Variants in TRPM1 observed in about 807,000 individuals in gnomAD.
TRPM1 encodes the protein transient receptor potential cation channel subfamily M member 1, also known as TRPM1-203 APA Isoform, Intron 10.
TRPM1 carries 113 observed loss-of-function variants against 149.4 expected under a neutral mutation model. The observed-to-expected ratio is 0.76, with a 90% CI of 0.65 to 0.88. The LOEUF is 0.88. Ranked by LOEUF, TRPM1 falls within the 40% of genes least tolerant of loss-of-function variation. The pLI is 0.00. For missense variants in TRPM1, 1,976 were observed against 2,038.7 expected (o/e 0.97, Z 0.59); for synonymous variants, 741 against 759.5 (o/e 0.98, Z 0.40).
chr15:31,050,322 G>A (rs1357005608), intron 12 of TRPM1, 87 bp downstream of exon 12: 1 of 1,594,800 alleles, frequency 6.3e-7, no homozygotes, highest in Non-Finnish European at 8.6e-7. Context: ...TCAGGGCCCT[G>A]GGTGGGACTG....
chr15:31,057,218 A>G (rs963019208), intron 11 of TRPM1, among the ~76,000 whole-genome samples: 7 of 152,226 alleles, frequency 4.6e-5, no homozygotes, highest in Non-Finnish European at 8.8e-5. Flanking sequence ...CATAAAAAAG[A>G]ACAAGATTAT....
intron 1 of TRPM1, among the ~76,000 whole-genome samples, chr15:31,113,674 C>A (rs2035749152): frequency 6.6e-6 from 1 of 151,858 alleles, no homozygotes; most frequent in Non-Finnish European, 1.5e-5. Flanking sequence ...CCATCACCCA[C>A]GTTTTAAGAC....
In TRPM1 at chr15:31,026,130, T is replaced by C. The variant is rs747215782; in HGVS notation, c.3629+9A>G. 4.3e-6 allele frequency: 7 copies of C among 1,610,518 alleles called. No homozygotes were observed. The African/African-American group carries it at 9.3e-5, about 21-fold the overall frequency. ...GCTCACGGGCCCGCGGTGGGGACGC[T>C]ACACGTACCTTTCAGAAGTGACCCG... On this transcript the variant is annotated intron_variant, in intron 27 of 27. Coordinates refer to ENST00000256552, the MANE Select transcript of TRPM1 (RefSeq NM_001252024.2).
intron 27 of TRPM1, among the ~76,000 whole-genome samples, chr15:31,003,439 G>C (rs988536520): frequency 1.3e-5 from 2 of 152,116 alleles, no homozygotes; most frequent in Non-Finnish European, 1.5e-5. Flanking sequence ...TTAAGTCATG[G>C]AGCGTATAAG....
At chr15:31,007,569 A>G (rs936744539) in intron 27 of TRPM1, among the ~76,000 whole-genome samples, 2 of 152,100 alleles carry the variant, frequency 1.3e-5, no homozygotes, top group African/African-American at 4.8e-5. Flanking sequence ...CGGGAGACTG[A>G]GGTAGGAGGA....
In TRPM1 at chr15:31,002,127, C is replaced by T; in HGVS notation, c.4573G>A (p.Ala1525Thr). 1 of 1,614,228 alleles carries T rather than the reference C, an allele frequency of 6.2e-7. No individual in the cohort carries two copies. Among genetic ancestry groups the T allele is most frequent in the East Asian group, 2.2e-5 (1 of 44,888 alleles). Residue 1525 changes from alanine (A) to threonine (T), a missense_variant, in exon 28 of 28, where the codon GCA becomes ACA. Coordinates refer to ENST00000256552, the MANE Select transcript of TRPM1 (RefSeq NM_001252024.2). Reference protein sequence around the residue: ...AVQAEHKEQFADMQDEHHVAE... With the variant: ...AVQAEHKEQFTDMQDEHHVAE... ...ACATGGTGTTCATCTTGCATATCTG[C>T]AAACTGCTCTTTATGCTCAGCTTGC...
chr15:31,050,564 G>A lies in TRPM1; in HGVS notation c.1282C>T (p.Pro428Ser). Residue 428 changes from proline to serine, a missense_variant, in exon 12 of 28, where the codon CCC becomes TCC. By Grantham distance (74) the Pro-to-Ser change is moderately conservative (BLOSUM62 -1). Around this residue, in one of 3 missense-constraint regions of TRPM1, gnomAD observed 1,332 missense variants for 1,347.1 expected, o/e 0.99. Transcript: ENST00000256552. ...PHWPPLGSLA[P>S]PTDSKATEKE... ...TCCGTGGCTTTGCTGTCCGTCGGGGGTGCCAGGCTTCCCAGGGGCTGCAGT... is the reference window on the plus strand; with the variant it reads ...TCCGTGGCTTTGCTGTCCGTCGGGGATGCCAGGCTTCCCAGGGGCTGCAGT... 6.2e-7 allele frequency: 1 copy of A among 1,614,026 alleles called. No individual in the cohort carries two copies. Among genetic ancestry groups the A allele is most frequent in the Middle Eastern group, 1.6e-4 (1 of 6,062 alleles).
In TRPM1 at chr15:31,070,191, G is replaced by C; in HGVS notation, c.119C>G (p.Pro40Arg). The change falls in exon 4 of 28, where the codon CCC becomes CGC. Residue 40 changes from proline to arginine, a missense_variant. Pro to Arg is a moderately radical substitution (Grantham distance 103). Transcript: ENST00000256552. Reference sequence around the variant, plus strand: ...GCTGGGTGTTGCACTTGGCAGAGGGGGGATATGCTGGTTGGTGAACTGGCC... The same window carrying C: ...GCTGGGTGTTGCACTTGGCAGAGGGCGGATATGCTGGTTGGTGAACTGGCC... Reference protein sequence around the residue: ...CCGQFTNQHIPPLPSATPSKN... With the variant: ...CCGQFTNQHIRPLPSATPSKN... 1.9e-6 allele frequency: 3 copies of C among 1,613,972 alleles called. No homozygotes were observed. In the South Asian group the frequency reaches 3.3e-5, roughly 18 times the overall value.
chr15:31,149,503 T>G (rs2036264682), intron 1 of TRPM1, among the ~76,000 whole-genome samples: 1 of 150,668 alleles, frequency 6.6e-6, no homozygotes, highest in South Asian at 2.1e-4. Flanking sequence ...CTGCTATAGC[T>G]CGTCATGTGC....
Position 31,067,099 on chromosome 15 carries a change from G to A in TRPM1, c.582C>T (p.Gly194=), listed in dbSNP as rs1252330419. ...CCAGGTCTTCCTTATTCTCCACGATGCCCCATGGAGCAATTCCTATAGCAC... is the reference window on the plus strand; with the variant it reads ...CCAGGTCTTCCTTATTCTCCACGATACCCCATGGAGCAATTCCTATAGCAC... The part of the protein sequence containing the change: ...RVCAIGIAPW[G]IVENKEDLVG... The change falls in exon 6 of 28, where the codon GGC becomes GGT. Residue 194 remains glycine (G), a synonymous_variant. Transcript: ENST00000256552. The A allele has an allele frequency of 7.4e-6, 12 of 1,614,112 alleles. No individual in the cohort carries two copies. Among genetic ancestry groups the A allele is most frequent in the Non-Finnish European group, 1.0e-5 (12 of 1,180,018 alleles).
At chr15:31,035,801 A>G in intron 20 of TRPM1, 127 bp from the exon 21 acceptor site, 1 of 1,386,548 alleles carries the variant, frequency 7.2e-7, no homozygotes, top group South Asian at 1.2e-5. Context: ...TGACTCATTG[A>G]GAGGAAACCT....
chr15:31,011,099 C>G (rs377762248), intron 27 of TRPM1, among the ~76,000 whole-genome samples: 2 of 152,188 alleles, frequency 1.3e-5, no homozygotes, highest in East Asian at 3.8e-4. Context: ...GCCACTCCAA[C>G]TATTTTTTTA....
intron 27 of TRPM1, among the ~76,000 whole-genome samples, chr15:31,021,112 TC>T (rs999031889): frequency 6.6e-6 from 1 of 152,186 alleles, no homozygotes; most frequent in Non-Finnish European, 1.5e-5. Flanking sequence ...CTTCCTATTA[TC>T]CAAGCAACCT....
At chr15:31,124,048 C>T (rs574765749) in intron 1 of TRPM1, among the ~76,000 whole-genome samples, 1 of 152,132 alleles carries the variant, frequency 6.6e-6, no homozygotes, top group African/African-American at 2.4e-5. Context: ...CTTTGGGAGG[C>T]CAAAGTGGGC....
At chr15:31,160,459 G>A (rs1394802524) in intron 1 of TRPM1, among the ~76,000 whole-genome samples, 2 of 152,124 alleles carry the variant, frequency 1.3e-5, no homozygotes, top group East Asian at 1.9e-4. Flanking sequence ...TCCCCTAAGG[G>A]CGAGGCCCAA....
chr15:31,108,090 TCA>T (rs2035633924), intron 1 of TRPM1, among the ~76,000 whole-genome samples: 1 of 152,170 alleles, frequency 6.6e-6, no homozygotes, highest in African/African-American at 2.4e-5. Context: ...ACTCCTGACC[TCA>T]GGTGATCCAC....
chr15:31,113,769 G>C (rs570736965), intron 1 of TRPM1, among the ~76,000 whole-genome samples: 1 of 152,178 alleles, frequency 6.6e-6, no homozygotes, highest in African/African-American at 2.4e-5. Context: ...CCCGGTGAGT[G>C]TTACAGCTCT....
chr15:31,130,265 A>C (rs1349256018), intron 1 of TRPM1, among the ~76,000 whole-genome samples: 5 of 152,228 alleles, frequency 3.3e-5, no homozygotes. Context: ...AAGAGATCAT[A>C]AAACCACCTT....
At chr15:31,081,682 C>G (rs1269311043) in intron 1 of TRPM1, among the ~76,000 whole-genome samples, 1 of 152,178 alleles carries the variant, frequency 6.6e-6, no homozygotes, top group Non-Finnish European at 1.5e-5. Context: ...GCAGCAGCCC[C>G]CTTCAGTTCT....
Sources: gnomAD v4.1 joint callset for allele counts (sites outside exome capture counted in the v4.1 genomes callset) on GRCh38, gnomAD v4.1.1 for gene constraint, gnomAD v4.1.1 regional missense constraint, MANE v1.5 for transcripts, NCBI Gene and HGNC (gene_info 2026-07-23, HGNC 2026-07-21) for gene names.